Variants in FHIT observed in about 807,000 individuals in gnomAD.
FHIT encodes bis(5'-adenosyl)-triphosphatase.
FHIT carries 19 observed loss-of-function variants against 17.9 expected under a neutral mutation model. That is an observed-to-expected ratio of 1.06 (90% CI 0.74 to 1.56). The LOEUF (loss-of-function observed/expected upper bound fraction) is 1.56. Ranked by LOEUF, FHIT falls within the 40% of genes most tolerant of loss-of-function variation. FHIT has a pLI of 0.00. For missense variants in FHIT, 248 were observed against 189.2 expected (o/e 1.31, Z -1.82); for synonymous variants, 81 against 69.7 (o/e 1.16, Z -0.81).
intron 4 of FHIT, among the ~76,000 whole-genome samples, chr3:60,621,009 A>C (rs1277577133): frequency 2.0e-5 from 3 of 152,168 alleles, no homozygotes; most frequent in African/African-American, 4.8e-5. Flanking sequence ...AAATAGCCTT[A>C]TAAAAAATGT....
At chr3:60,171,084 T>A (rs921929132) in intron 5 of FHIT, among the ~76,000 whole-genome samples, 5 of 152,214 alleles carry the variant, frequency 3.3e-5, no homozygotes, top group Non-Finnish European at 5.9e-5. Flanking sequence ...ACCCTCCATT[T>A]CCTATTACCA....
At chr3:60,010,122 C>G (rs1440130592) in intron 7 of FHIT, among the ~76,000 whole-genome samples, 1 of 152,168 alleles carries the variant, frequency 6.6e-6, no homozygotes, top group Non-Finnish European at 1.5e-5. Flanking sequence ...CATTTGAATA[C>G]TGAGTTTTAA....
chr3:60,457,797 G>C (rs2032202554), intron 5 of FHIT, among the ~76,000 whole-genome samples: 1 of 151,398 alleles, frequency 6.6e-6, no homozygotes, highest in African/African-American at 2.4e-5. Flanking sequence ...CTTCTCAAAA[G>C]AAGACATTTA....
At chr3:60,246,866 T>C (rs1005283897) in intron 5 of FHIT, among the ~76,000 whole-genome samples, 3 of 152,158 alleles carry the variant, frequency 2.0e-5, no homozygotes, top group South Asian at 2.1e-4. Context: ...GTTTTCAAAA[T>C]GATTCTCCTA....
intron 5 of FHIT, among the ~76,000 whole-genome samples, chr3:60,351,570 A>C (rs2106945653): frequency 6.6e-6 from 1 of 152,336 alleles, no homozygotes; most frequent in South Asian, 2.1e-4. Flanking sequence ...TGCATCATAA[A>C]AATTTGCTAT....
intron 8 of FHIT, among the ~76,000 whole-genome samples, chr3:59,821,952 C>T (rs1219201337): frequency 1.3e-5 from 2 of 152,104 alleles, no homozygotes; most frequent in Non-Finnish European, 2.9e-5. Context: ...CTCACCCCCA[C>T]CAATGCTTTC....
At chr3:60,319,633 A>G (rs1331984471) in intron 5 of FHIT, among the ~76,000 whole-genome samples, 2 of 152,154 alleles carry the variant, frequency 1.3e-5, no homozygotes, top group African/African-American at 4.8e-5. Flanking sequence ...TCATGAGCAC[A>G]TAGAAGTCCG....
chr3:60,764,107 C>A (rs146010185), intron 4 of FHIT, among the ~76,000 whole-genome samples: 1 of 152,100 alleles, frequency 6.6e-6, no homozygotes, highest in Admixed American at 6.6e-5. Context: ...GAAAGCCTAA[C>A]GCCTGACATC....
intron 4 of FHIT, among the ~76,000 whole-genome samples, chr3:60,795,663 C>T (rs892182583): frequency 5.3e-5 from 8 of 152,010 alleles, no homozygotes; most frequent in Admixed American, 6.6e-5. Flanking sequence ...TACTGGCATG[C>T]GCCACTACCC....
intron 7 of FHIT, among the ~76,000 whole-genome samples, chr3:59,995,169 G>A (rs17061699): frequency 0.037 from 5,629 of 151,032 alleles, 296 homozygotes; most frequent in African/African-American, 0.12. Context: ...GCTGCAACCG[G>A]AAATTACAAA....
At chr3:60,369,450 T>C (rs1320674474) in intron 5 of FHIT, among the ~76,000 whole-genome samples, 22 of 152,226 alleles carry the variant, frequency 1.4e-4, no homozygotes, top group Non-Finnish European at 1.5e-5. Context: ...ACTGCTTGTT[T>C]TCTTCATTAG....
chr3:60,542,899 G>A (rs919601667), intron 4 of FHIT, among the ~76,000 whole-genome samples: 4 of 151,900 alleles, frequency 2.6e-5, no homozygotes, highest in South Asian at 4.2e-4. Context: ...TAACATTTAG[G>A]TATTTATTCC....
At chr3:60,143,149 G>C (rs1030726580) in intron 5 of FHIT, among the ~76,000 whole-genome samples, 2 of 152,132 alleles carry the variant, frequency 1.3e-5, no homozygotes, top group Non-Finnish European at 2.9e-5. Context: ...AGAACATAAG[G>C]AACTAAGGCC....
chr3:60,599,776 G>C (rs1553668121), intron 4 of FHIT, among the ~76,000 whole-genome samples: 1 of 151,610 alleles, frequency 6.6e-6, no homozygotes, highest in Non-Finnish European at 1.5e-5. Flanking sequence ...CTCACCTACT[G>C]CCTGAGAAGT....
intron 8 of FHIT, among the ~76,000 whole-genome samples, chr3:59,875,938 T>TAA (rs200571248): frequency 0.017 from 2,189 of 129,208 alleles, 25 homozygotes; most frequent in South Asian, 0.063. Flanking sequence ...GTCTGTTTGA[T>TAA]AAAAAAAGAA....
intron 2 of FHIT, among the ~76,000 whole-genome samples, chr3:61,195,854 C>T (rs966874822): frequency 3.3e-5 from 5 of 152,106 alleles, no homozygotes; most frequent in Non-Finnish European, 5.9e-5. Flanking sequence ...AATTGACATG[C>T]TATTACTACC....
intron 5 of FHIT, among the ~76,000 whole-genome samples, chr3:60,205,737 G>A (rs1168372815): frequency 1.3e-5 from 2 of 152,158 alleles, no homozygotes; most frequent in African/African-American, 2.4e-5. Context: ...GAATACGTAT[G>A]TGTATTCTTG....
chr3:60,266,379 C>T (rs1001359057), intron 5 of FHIT, among the ~76,000 whole-genome samples: 1 of 151,896 alleles, frequency 6.6e-6, no homozygotes, highest in African/African-American at 2.4e-5. Context: ...AATCATAATG[C>T]CCAGGGCCGC....
chr3:59,815,239 G>A (rs1700556285), intron 8 of FHIT, among the ~76,000 whole-genome samples: 1 of 152,068 alleles, frequency 6.6e-6, no homozygotes, highest in Non-Finnish European at 1.5e-5. Context: ...ACTATGGAAG[G>A]AAAGGGAATG....
Sources: allele counts gnomAD v4.1 joint callset (sites outside exome capture counted in the v4.1 genomes callset), GRCh38; gene constraint gnomAD v4.1.1; transcripts MANE v1.5; gene names NCBI Gene and HGNC (gene_info 2026-07-23, HGNC 2026-07-21).